ADAMTS7: variants seen among roughly 807,000 people sequenced by gnomAD.
ADAMTS7 encodes ADAM metallopeptidase with thrombospondin type 1 motif 7, also known as A disintegrin and metalloproteinase with thrombospondin motifs 7.
In ADAMTS7, 89 loss-of-function variants were observed where a neutral mutation model predicts 172.6. The observed-to-expected ratio is 0.52, with a 90% CI of 0.43 to 0.61. ADAMTS7 has a LOEUF of 0.61. Ranked by LOEUF, ADAMTS7 falls within the 20% of genes least tolerant of loss-of-function variation. The probability of loss-of-function intolerance (pLI) is 0.00; values close to 1 mark genes in which losing one functional copy is unlikely to be tolerated. For missense variants in ADAMTS7, 1,973 were observed against 2,355.6 expected, an observed-to-expected ratio of 0.84 and a Z score of 3.36; for synonymous variants, 885 against 978.4, an observed-to-expected ratio of 0.90 and a Z score of 1.78.
At chr15:78,787,555 T>G (rs1462358597) in intron 8 of ADAMTS7, among the ~76,000 whole-genome samples, 2 of 152,002 alleles carry the variant, frequency 1.3e-5, no homozygotes, top group East Asian at 3.9e-4. Context: ...TCCCAGCTAC[T>G]CAGGAGGCTG....
rs1053017060 is a variant in ADAMTS7, at chr15:78,798,000, C to T, written c.570G>A (p.Glu190=). The part of the protein sequence containing the change: ...PHVVYKRQAP[E]RLAQRGDSSA... Reference sequence around the variant, plus strand: ...TGGAATCACCCCGCTGTGCCAGCCTCTCCGGGGCCTGACGCTTGTACACCA... The same window carrying T: ...TGGAATCACCCCGCTGTGCCAGCCTTTCCGGGGCCTGACGCTTGTACACCA... Residue 190 remains glutamate, a synonymous_variant, in exon 3 of 24, where the codon GAG becomes GAA. Transcript: ENST00000388820. The T allele has an allele frequency of 1.9e-6, 3 of 1,589,052 alleles. No individual in the cohort carries two copies. The highest frequency in any genetic ancestry group is 2.7e-5 in the African/African-American group (2 of 72,868).
At chr15:78,794,354 G>T (rs770319042) in intron 4 of ADAMTS7, among the ~76,000 whole-genome samples, 1 of 152,248 alleles carries the variant, frequency 6.6e-6, no homozygotes, top group African/African-American at 2.4e-5. Flanking sequence ...ACCCACCAGG[G>T]CCTTAGGCCG....
rs374253167 is a variant in ADAMTS7, at chr15:78,764,024, G to A, written c.4495C>T (p.Arg1499Trp). 13 of 1,540,740 alleles carry A rather than the reference G, an allele frequency of 8.4e-6. No homozygotes were observed. In the African/African-American group the frequency reaches 9.6e-5, roughly 11 times the overall value. Residue 1499 changes from arginine to tryptophan, a missense_variant, in exon 21 of 24, where the codon CGG becomes TGG. Arg to Trp is a moderately radical substitution (Grantham distance 101, BLOSUM62 -3). Transcript: ENST00000388820. ...GGCCCGGGCTGACAATGGAAGGGCC[G>A]CAGTGGCCGGAGGTCCCGTGTGTCC... ...CVDTRDLRPLRPFHCQPGPAK... is the reference protein window; with the variant it reads ...CVDTRDLRPLWPFHCQPGPAK...
At chr15:78,789,548 A>T in intron 7 of ADAMTS7, 141 bp downstream of exon 7, 2 of 1,178,308 alleles carry the variant, frequency 1.7e-6, no homozygotes, top group Non-Finnish European at 2.4e-6. Context: ...GTGCAGGGGC[A>T]GCACATGGCC....
intron 3 of ADAMTS7, among the ~76,000 whole-genome samples, chr15:78,797,011 AT>A (rs2055654595): frequency 6.6e-6 from 1 of 152,240 alleles, no homozygotes; most frequent in Non-Finnish European, 1.5e-5. Context: ...AAAAATAGGA[AT>A]AAATTGCCTC....
chr15:78,809,428 C>G (rs1387365334), intron 1 of ADAMTS7, among the ~76,000 whole-genome samples: 2 of 152,064 alleles, frequency 1.3e-5, no homozygotes, highest in African/African-American at 2.4e-5. Context: ...CAGACTTCAC[C>G]CTTGGAGTGT....
At chr15:78,811,048 A>G (rs2055859293) in intron 1 of ADAMTS7, 73 bp downstream of exon 1, 2 of 1,219,080 alleles carry the variant, frequency 1.6e-6, no homozygotes, top group South Asian at 8.3e-5. Flanking sequence ...AAAGGTGAGG[A>G]GGGACAAAAC....
At chr15:78,770,496 TG>T (rs1229661116) in intron 16 of ADAMTS7, 1 of 6,582 alleles carries the variant, frequency 1.5e-4, no homozygotes, top group African/African-American at 5.6e-4. Context: ...GGGGCGTTGG[TG>T]GGGGGGACTA....
chr15:78,783,934 CTGGTCCTAAGTATTTCAGATG>C (rs1256398646), intron 8 of ADAMTS7, among the ~76,000 whole-genome samples: 1 of 151,914 alleles, frequency 6.6e-6, no homozygotes. Context: ...TAAAACACTT[CTGGTCCTAAGTATTTCAGATG>C]AGACACTCAA....
intron 16 of ADAMTS7, among the ~76,000 whole-genome samples, chr15:78,768,594 G>A (rs1477239672): frequency 4.6e-5 from 7 of 152,214 alleles, no homozygotes; most frequent in African/African-American, 1.4e-4. Flanking sequence ...GTCCTCCTCT[G>A]TAAAGTGGGA....
intron 23 of ADAMTS7, chr15:78,761,801 A>G (rs2055048385): frequency 1.0e-6 from 1 of 981,764 alleles, no homozygotes; most frequent in African/African-American, 1.7e-5. Flanking sequence ...AGGGGTGTCC[A>G]GAACCACCTC....
intron 16 of ADAMTS7, among the ~76,000 whole-genome samples, chr15:78,769,449 C>T (rs2055211325): frequency 6.6e-6 from 1 of 152,236 alleles, no homozygotes; most frequent in Non-Finnish European, 1.5e-5. Flanking sequence ...ACACACCCCA[C>T]TGCCGCTCCC....
chr15:78,774,220 G>T lies in ADAMTS7; in HGVS notation c.1957C>A (p.Pro653Thr), dbSNP rs752173584. 1 of 1,589,290 alleles carries T rather than the reference G, an allele frequency of 6.3e-7. No individual in the cohort carries two copies. Among genetic ancestry groups the T allele is most frequent in the South Asian group, 1.1e-5 (1 of 89,260 alleles). ...KLRDAVVDGT[P>T]CYQVRASRDL... is the part of the protein sequence containing the mutation. ...CGGCTGGCTCGGACCTGGTAGCAGG[G>T]GGTGCCATCGACCACGGCGTCCCGC... The change falls in exon 13 of 24, where the codon CCC becomes ACC. Residue 653 changes from proline (P) to threonine (T), a missense_variant. Transcript: ENST00000388820.
At chr15:78,804,330 G>A (rs560256196) in intron 1 of ADAMTS7, among the ~76,000 whole-genome samples, 1 of 152,314 alleles carries the variant, frequency 6.6e-6, no homozygotes, top group Non-Finnish European at 1.5e-5. Flanking sequence ...GGGGAGCTCT[G>A]GCATCCATGC....
In ADAMTS7 at chr15:78,774,330, A is replaced by C. The variant is rs761052271; in HGVS notation, c.1877-30T>G. On this transcript the variant is annotated intron_variant, in intron 12 of 23. Coordinates refer to ENST00000388820, the MANE Select transcript of ADAMTS7 (RefSeq NM_014272.5). ...GGGCCCAAGTAGAAGAGTCATCAGCAACAGCTGGGGCGGGAGTATGGAGGC... is the reference window on the plus strand; with the variant it reads ...GGGCCCAAGTAGAAGAGTCATCAGCCACAGCTGGGGCGGGAGTATGGAGGC... The C allele has an allele frequency of 7.1e-6, 11 of 1,538,822 alleles. No homozygotes were observed. The African/African-American group carries it at 1.5e-4, about 21-fold the overall frequency.
At chr15:78,810,157 C>G (rs1056908812) in intron 1 of ADAMTS7, among the ~76,000 whole-genome samples, 2 of 152,258 alleles carry the variant, frequency 1.3e-5, no homozygotes, top group Non-Finnish European at 2.9e-5. Flanking sequence ...ACTGATGCTC[C>G]CCAGGGGAGG....
chr15:78,782,753 C>G (rs557454145), intron 8 of ADAMTS7, among the ~76,000 whole-genome samples: 259 of 151,476 alleles, frequency 1.7e-3, no homozygotes, highest in African/African-American at 5.3e-3. Flanking sequence ...AATGGAGTTT[C>G]CAGGGACCCC....
At chr15:78,762,004 G>A (rs1244717929) in intron 23 of ADAMTS7, 1 of 985,328 alleles carries the variant, frequency 1.0e-6, no homozygotes, top group Non-Finnish European at 1.2e-6. Flanking sequence ...GGACAGGCCA[G>A]GGCTGGGGAC....
intron 19 of ADAMTS7, among the ~76,000 whole-genome samples, chr15:78,765,374 G>A (rs1434929143): frequency 5.3e-5 from 8 of 152,360 alleles, no homozygotes; most frequent in East Asian, 1.9e-4. Context: ...GCGGCCATGC[G>A]GGGACCGTCC....
Sources: gnomAD v4.1 joint callset for allele counts (sites outside exome capture counted in the v4.1 genomes callset) on GRCh38, gnomAD v4.1.1 for gene constraint, MANE v1.5 for transcripts, NCBI Gene and HGNC (gene_info 2026-07-23, HGNC 2026-07-21) for gene names.